The following SGCZ variants were observed in gnomAD, a reference collection of about 807,000 sequenced individuals.
SGCZ encodes the protein zeta-sarcoglycan.
Under a neutral mutation model 41.3 loss-of-function variants are expected in SGCZ, and 40 were observed. The observed-to-expected ratio is 0.97, with a 90% confidence interval of 0.75 to 1.26. The LOEUF (loss-of-function observed/expected upper bound fraction) is 1.26, where lower values mean the gene tolerates loss of function less well. SGCZ is among the 50% of genes most tolerant of loss of function. The pLI is 0.00. For synonymous variants in SGCZ, 206 were observed against 137.5 expected, an observed-to-expected ratio of 1.50 and a Z score of -3.49; for missense variants, 552 against 369.8, an observed-to-expected ratio of 1.49 and a Z score of -4.04.
chr8:14,741,035 A>C (rs1799185033), intron 1 of SGCZ, among the ~76,000 whole-genome samples: 1 of 152,086 alleles, frequency 6.6e-6, no homozygotes, highest in Admixed American at 6.6e-5. Flanking sequence ...GACATAAAAC[A>C]TTTGACCTCA....
chr8:14,719,953 G>A (rs141412295), intron 1 of SGCZ, among the ~76,000 whole-genome samples: 6 of 151,948 alleles, frequency 3.9e-5, no homozygotes, highest in Non-Finnish European at 7.4e-5. Context: ...GAATGGTAAC[G>A]CCTAGGTTTT....
chr8:15,149,377 T>C (rs1799117878), intron 1 of SGCZ, among the ~76,000 whole-genome samples: 1 of 152,154 alleles, frequency 6.6e-6, no homozygotes, highest in Admixed American at 6.5e-5. Context: ...GACTTCTTAC[T>C]GATGTCCCCA....
rs191734033 is a variant in SGCZ at position 14,233,025 on chromosome 8, T to A, written c.424+4567A>T. On this transcript the variant is annotated intron_variant, in intron 4 of 7. Transcript: ENST00000382080. The stretch of plus-strand genomic sequence containing the variant: ...CATAGGGCCCCATAAGTAGCCATAA[T>A]AAGTATCTCAAAAGTCATTGGGACT... Among the ~76,000 whole-genome samples the A allele has an allele frequency of 4.2e-4, 64 of 152,174 alleles. 1 individual carries two copies. The highest frequency in any genetic ancestry group is 1.5e-3 in the African/African-American group (62 of 41,558).
intron 2 of SGCZ, among the ~76,000 whole-genome samples, chr8:14,534,769 T>C (rs775163249): frequency 3.9e-5 from 6 of 152,016 alleles, no homozygotes; most frequent in Non-Finnish European, 7.4e-5. Context: ...TCTTTTTCAA[T>C]ATCTGATGCA....
chr8:15,185,728 T>C (rs1258243079), intron 1 of SGCZ, among the ~76,000 whole-genome samples: 2 of 152,054 alleles, frequency 1.3e-5, no homozygotes, highest in Non-Finnish European at 2.9e-5. Context: ...AATTACATAC[T>C]CAGACAGACT....
At position 14,970,337 on chromosome 8, in the gene SGCZ, G is replaced by C. The variant is rs1411451615; in HGVS notation, c.39+267248C>G. Among the ~76,000 whole-genome samples, 14 of 152,092 alleles carry C rather than the reference G, an allele frequency of 9.2e-5. No homozygotes were observed. The East Asian group carries it at 2.1e-3, about 23-fold the overall frequency. Reference sequence around the variant, plus strand: ...CATCCTTATTAATGCTGTTCTGGAAGAGCAGAGCTTTTAAATAATTTGCTC... The same window carrying C: ...CATCCTTATTAATGCTGTTCTGGAACAGCAGAGCTTTTAAATAATTTGCTC... On this transcript the variant is annotated intron_variant, in intron 1 of 7. Transcript: ENST00000382080.
At chr8:14,590,692 T>C (rs1311538939) in intron 1 of SGCZ, among the ~76,000 whole-genome samples, 6 of 148,918 alleles carry the variant, frequency 4.0e-5, no homozygotes, top group East Asian at 1.9e-4. Flanking sequence ...TCCTAGTACA[T>C]ATATATGTAT....
At chr8:14,848,243 A>G (rs966257925) in intron 1 of SGCZ, among the ~76,000 whole-genome samples, 1 of 152,216 alleles carries the variant, frequency 6.6e-6, no homozygotes, top group African/African-American at 2.4e-5. Context: ...GCTGGTGTTA[A>G]TGGGTAGGAA....
At chr8:14,394,154 T>TCCC (rs1563300665) in intron 2 of SGCZ, among the ~76,000 whole-genome samples, 20 of 96,504 alleles carry the variant, frequency 2.1e-4, no homozygotes, top group African/African-American at 5.7e-4. Context: ...TTTTTTTTTT[T>TCCC]TTTTTTTTTT....
chr8:14,708,833 G>GTGTT (rs1352606786), intron 1 of SGCZ, among the ~76,000 whole-genome samples: 1 of 151,792 alleles, frequency 6.6e-6, no homozygotes, highest in African/African-American at 2.4e-5. Flanking sequence ...GTGTGTGTGT[G>GTGTT]TGTGTGTATT....
At chr8:14,428,925 G>A (rs774599660) in intron 2 of SGCZ, among the ~76,000 whole-genome samples, 1 of 152,166 alleles carries the variant, frequency 6.6e-6, no homozygotes, top group Non-Finnish European at 1.5e-5. Flanking sequence ...AATTATTTGT[G>A]AATTAGTATA....
At chr8:14,921,172 TTC>T (rs1799578499) in intron 1 of SGCZ, among the ~76,000 whole-genome samples, 1 of 152,210 alleles carries the variant, frequency 6.6e-6, no homozygotes, top group African/African-American at 2.4e-5. Flanking sequence ...TCAACTCAGC[TTC>T]CCGCATTCCC....
intron 2 of SGCZ, among the ~76,000 whole-genome samples, chr8:14,400,709 C>A (rs2117244515): frequency 6.6e-6 from 1 of 152,126 alleles, no homozygotes; most frequent in Non-Finnish European, 1.5e-5. Context: ...AAGGCCTATT[C>A]TTGAGTCTGT....
intron 1 of SGCZ, among the ~76,000 whole-genome samples, chr8:14,654,710 T>A (rs975082248): frequency 6.6e-6 from 1 of 151,906 alleles, no homozygotes; most frequent in Non-Finnish European, 1.5e-5. Context: ...TAGCTGGGAT[T>A]ATAGGCACGC....
chr8:14,946,623 C>T (rs546028957), intron 1 of SGCZ, among the ~76,000 whole-genome samples: 1 of 151,504 alleles, frequency 6.6e-6, no homozygotes, highest in Non-Finnish European at 1.5e-5. Flanking sequence ...ATTCTCTTAA[C>T]AGGATTGGCA....
chr8:14,872,585 T>G (rs1330867176), intron 1 of SGCZ, among the ~76,000 whole-genome samples: 1 of 152,048 alleles, frequency 6.6e-6, no homozygotes, highest in East Asian at 1.9e-4. Flanking sequence ...GAATGCAATT[T>G]AAAAATTGAT....
chr8:14,950,769 G>A (rs988127248), intron 1 of SGCZ, among the ~76,000 whole-genome samples: 2 of 151,918 alleles, frequency 1.3e-5, no homozygotes, highest in African/African-American at 4.8e-5. Flanking sequence ...AGGATACGTA[G>A]TCTAAAAAAA....
intron 1 of SGCZ, among the ~76,000 whole-genome samples, chr8:14,902,489 G>A (rs1387159136): frequency 9.2e-5 from 14 of 152,036 alleles, no homozygotes; most frequent in Non-Finnish European, 5.9e-5. Flanking sequence ...GAAACTATGT[G>A]TTTAGGTATA....
intron 1 of SGCZ, among the ~76,000 whole-genome samples, chr8:14,914,495 G>A (rs1172311532): frequency 6.6e-6 from 1 of 151,560 alleles, no homozygotes; most frequent in Non-Finnish European, 1.5e-5. Context: ...AATACTATTT[G>A]GCAAAAGGTC....
Sources: allele counts gnomAD v4.1 joint callset (sites outside exome capture counted in the v4.1 genomes callset), GRCh38; gene constraint gnomAD v4.1.1; transcripts MANE v1.5; gene names NCBI Gene and HGNC (gene_info 2026-07-23, HGNC 2026-07-21).